PREX2: variants seen among roughly 807,000 people sequenced by gnomAD.
The protein encoded by PREX2 is phosphatidylinositol 3,4,5-trisphosphate-dependent Rac exchanger 2 protein.
Under a neutral mutation model 203.2 loss-of-function variants are expected in PREX2, and 107 were observed. That is an observed-to-expected ratio of 0.53 (90% confidence interval 0.45 to 0.62). The LOEUF (loss-of-function observed/expected upper bound fraction) is 0.62, where lower values mean the gene tolerates loss of function less well. Ranked by LOEUF, PREX2 falls within the 20% of genes least tolerant of loss-of-function variation. The pLI is 0.00. For synonymous variants in PREX2, 672 were observed against 663.6 expected (o/e 1.01, Z -0.19); for missense variants, 1,777 against 1,955.9 (o/e 0.91, Z 1.72).
chr8:68,046,609 A>G (rs747308938), intron 8 of PREX2, among the ~76,000 whole-genome samples: 1 of 152,148 alleles, frequency 6.6e-6, no homozygotes, highest in Non-Finnish European at 1.5e-5. Context: ...CAGGATATTT[A>G]GTTGTCATAA....
intron 1 of PREX2, chr8:67,952,826 T>C: frequency 2.0e-6 from 1 of 507,776 alleles, no homozygotes; most frequent in East Asian, 3.8e-5. Flanking sequence ...GGCTGCCCTA[T>C]CTTCCCTCAC....
chr8:68,028,859 G>T (rs1807804435), intron 5 of PREX2, among the ~76,000 whole-genome samples: 1 of 152,012 alleles, frequency 6.6e-6, no homozygotes, highest in African/African-American at 2.4e-5. Context: ...ATGAACTCAG[G>T]TATTTGAACT....
At chr8:68,040,728 G>T (rs1343460805) in intron 7 of PREX2, among the ~76,000 whole-genome samples, 1 of 151,974 alleles carries the variant, frequency 6.6e-6, no homozygotes. Context: ...ACCTTTACTA[G>T]ATTAGACTGC....
chr8:68,086,208 T>C (rs937945489), intron 18 of PREX2, among the ~76,000 whole-genome samples: 2 of 152,180 alleles, frequency 1.3e-5, no homozygotes, highest in East Asian at 3.8e-4. Context: ...ATAACCTAAT[T>C]TATAATAATA....
intron 30 of PREX2, among the ~76,000 whole-genome samples, chr8:68,123,916 G>A (rs2129613184): frequency 6.6e-6 from 1 of 152,098 alleles, no homozygotes. Flanking sequence ...CTTATTCTAG[G>A]AGGCCAGCAC....
intron 32 of PREX2, among the ~76,000 whole-genome samples, chr8:68,135,162 G>A (rs923897172): frequency 6.6e-6 from 1 of 150,626 alleles, no homozygotes; most frequent in African/African-American, 2.4e-5. Context: ...TTTAACACAT[G>A]GTAGGCATCA....
chr8:68,182,337 A>G (rs1490201637), intron 35 of PREX2, among the ~76,000 whole-genome samples: 1 of 151,454 alleles, frequency 6.6e-6, no homozygotes, highest in Non-Finnish European at 1.5e-5. Flanking sequence ...CTTGCAAGGG[A>G]GACCCTGAGA....
intron 33 of PREX2, among the ~76,000 whole-genome samples, chr8:68,141,674 C>A (rs1317752642): frequency 6.6e-6 from 1 of 152,006 alleles, no homozygotes; most frequent in Non-Finnish European, 1.5e-5. Context: ...GGAAGAGCAA[C>A]CAAGGCAGAG....
intron 11 of PREX2, among the ~76,000 whole-genome samples, chr8:68,061,089 G>T (rs1347856745): frequency 6.6e-6 from 1 of 152,172 alleles, no homozygotes; most frequent in African/African-American, 2.4e-5. Context: ...TGGAGGACGG[G>T]ACATGACAAG....
rs765992988 is a variant in PREX2, at chr8:68,191,833, A to G, written c.4413+45A>G. ...TTTATTGGTGCTTTTTAATTTAAAT[A>G]TCTCCCTTTTTAATTTTCTGCTGTT... On this transcript the variant is annotated intron_variant, in intron 36 of 39. Transcript: ENST00000288368. The G allele has an allele frequency of 2.3e-6, 3 of 1,287,328 alleles. 1 individual carries two copies. Among genetic ancestry groups the G allele is most frequent in the South Asian group, 2.5e-5 (2 of 78,908 alleles). The allele number at this position is 1,287,328 out of a possible 1,614,324, so 79.7% of individuals were successfully genotyped here. A position where few individuals can be genotyped will look rare whatever the true frequency, so the allele number is the denominator to read the frequency against.
chr8:68,105,259 T>C (rs777614701), intron 23 of PREX2: 1 of 1,367,880 alleles, frequency 7.3e-7, no homozygotes, highest in Non-Finnish European at 9.8e-7. Flanking sequence ...TTCCTCCTGC[T>C]GCCTCCTCCT....
chr8:68,215,903 C>T (rs1812828727), intron 37 of PREX2, among the ~76,000 whole-genome samples: 2 of 152,174 alleles, frequency 1.3e-5, no homozygotes, highest in Admixed American at 6.6e-5. Flanking sequence ...ATAGGCTGTT[C>T]TGCAGCTTGC....
At chr8:67,977,269 G>A (rs1042927030) in intron 1 of PREX2, among the ~76,000 whole-genome samples, 2 of 152,144 alleles carry the variant, frequency 1.3e-5, no homozygotes, top group African/African-American at 4.8e-5. Context: ...TAGCCTGCTG[G>A]CACCCCAGTC....
At chr8:68,044,083 TA>T (rs1808272498) in intron 7 of PREX2, among the ~76,000 whole-genome samples, 2 of 152,160 alleles carry the variant, frequency 1.3e-5, no homozygotes, top group East Asian at 3.9e-4. Context: ...TCATAAGTAA[TA>T]ACTGGAAATT....
chr8:68,121,425 C>T (rs1810770935), intron 30 of PREX2, among the ~76,000 whole-genome samples: 1 of 151,996 alleles, frequency 6.6e-6, no homozygotes, highest in South Asian at 2.1e-4. Flanking sequence ...AGTTGTGAAG[C>T]TGTATGAGAA....
chr8:68,021,915 C>T, intron 3 of PREX2, 121 bp from the exon 4 acceptor site: 5 of 598,904 alleles, frequency 8.3e-6, no homozygotes, highest in Non-Finnish European at 1.5e-5. Context: ...TAGCTGTATA[C>T]ACGCAGTATA....
intron 23 of PREX2, chr8:68,100,313 C>T: frequency 2.4e-6 from 1 of 421,556 alleles, no homozygotes; most frequent in East Asian, 7.0e-5. Flanking sequence ...GTGCCAAGTA[C>T]TGTTCTAGGT....
chr8:68,090,219 A>G (rs1281400123), intron 19 of PREX2, among the ~76,000 whole-genome samples: 1 of 152,214 alleles, frequency 6.6e-6, no homozygotes, highest in Non-Finnish European at 1.5e-5. Flanking sequence ...AGAATAAAGG[A>G]AGGTAAGTAA....
At position 68,136,100 on chromosome 8, in the gene PREX2, A is replaced by C. The variant is rs147110805; in HGVS notation, c.3984+1824A>C. Among the ~76,000 whole-genome samples, 956 of 152,240 alleles carry C rather than the reference A, an allele frequency of 6.3e-3. 12 individuals are homozygous for C. The highest frequency in any genetic ancestry group is 0.022 in the African/African-American group (894 of 41,552). On this transcript the variant is annotated intron_variant, in intron 32 of 39. Transcript: ENST00000288368. ...GGGGGCAGGAAAATGAGGAGTGAAT[A>C]CTATTGGGTATTGGTTATCTTTGGG...
Sources: gnomAD v4.1 joint callset for allele counts (sites outside exome capture counted in the v4.1 genomes callset) on GRCh38, gnomAD v4.1.1 for gene constraint, MANE v1.5 for transcripts, NCBI Gene and HGNC (gene_info 2026-07-23, HGNC 2026-07-21) for gene names.